Variants in HACE1 observed in about 807,000 individuals in gnomAD.
HACE1 encodes the protein E3 ubiquitin-protein ligase HACE1.
HACE1 carries 73 observed loss-of-function variants against 118.4 expected under a neutral mutation model. That is an observed-to-expected ratio of 0.62 (90% CI 0.51 to 0.75). The LOEUF is 0.75. Among genes scored for constraint, HACE1 ranks in the 30% least tolerant of loss-of-function variants. HACE1 has a pLI of 0.00. For missense variants in HACE1, 749 were observed against 1,102.2 expected (o/e 0.68, Z 4.54); for synonymous variants, 368 against 374.8 (o/e 0.98, Z 0.21).
rs1775001879 is a variant in HACE1, at chr6:104,729,733, T to G, written c.2659A>C (p.Ser887Arg). The G allele has an allele frequency of 1.9e-6, 3 of 1,564,154 alleles. No homozygotes were observed. In the Middle Eastern group the frequency reaches 5.0e-4, roughly 262 times the overall value. The change falls in exon 24 of 24, where the codon AGT (serine) becomes CGT (arginine). Residue 887 changes from serine to arginine, a missense_variant. Physicochemically the swap from Ser to Arg is moderately radical, Grantham distance 110. Coordinates refer to ENST00000262903, the MANE Select transcript of HACE1 (RefSeq NM_020771.4). Reference sequence around the variant, plus strand: ...AGTCTGTCCTTGAGTATTTCTTTACTTGGGTATTCAGGTAACTTGAGCATG... The same window carrying G: ...AGTCTGTCCTTGAGTATTTCTTTACGTGGGTATTCAGGTAACTTGAGCATG... ...INMLKLPEYP[S>R]KEILKDRLLV... is the part of the protein sequence containing the mutation.
chr6:104,820,986 C>T (rs558756398), intron 6 of HACE1, among the ~76,000 whole-genome samples: 11 of 152,180 alleles, frequency 7.2e-5, no homozygotes, highest in Non-Finnish European at 1.3e-4. Context: ...GGTACATATA[C>T]ACCACGGAAT....
intron 22 of HACE1, among the ~76,000 whole-genome samples, chr6:104,737,966 C>G (rs1044623854): frequency 2.6e-5 from 4 of 152,210 alleles, no homozygotes; most frequent in Admixed American, 1.3e-4. Flanking sequence ...TCTCCCATCA[C>G]GCAGCTGGAG....
chr6:104,786,468 C>G (rs13215531), intron 11 of HACE1: 31,270 of 149,182 alleles, frequency 0.21, 4,009 homozygotes, highest in African/African-American at 0.37. Context: ...GCTGGGTACA[C>G]AGGCATGCAC....
In HACE1 at chr6:104,760,484, A is replaced by G. The variant is rs544544068; in HGVS notation, c.2212-10012T>C. 5.3e-5 allele frequency among the ~76,000 whole-genome samples: 8 copies of G among 152,336 alleles called. No individual in the cohort carries two copies. The South Asian group carries it at 1.2e-3, about 24-fold the overall frequency. On this transcript the variant is annotated intron_variant, in intron 19 of 23. Coordinates refer to ENST00000262903, the MANE Select transcript of HACE1 (RefSeq NM_020771.4). ...ATAGATGCAAAAAAGGCCTTTGACA[A>G]AATTCAACAGCCTTTCATGCTAAAA...
At chr6:104,802,497 C>G (rs1222191212) in intron 7 of HACE1, among the ~76,000 whole-genome samples, 2 of 152,102 alleles carry the variant, frequency 1.3e-5, no homozygotes, top group Non-Finnish European at 2.9e-5. Flanking sequence ...TGTAAAAGAA[C>G]AGAAATCACA....
At chr6:104,795,416 T>G (rs1241881421) in intron 10 of HACE1, among the ~76,000 whole-genome samples, 163 bp downstream of exon 10, 1 of 152,180 alleles carries the variant, frequency 6.6e-6, no homozygotes, top group Non-Finnish European at 1.5e-5. Flanking sequence ...TCTTTAGCAA[T>G]AGTTGATTAC....
chr6:104,729,697 G>A lies in HACE1; in HGVS notation c.2695C>T (p.Leu899=). 1.9e-6 allele frequency: 3 copies of A among 1,580,588 alleles called. No homozygotes were observed. The highest frequency in any genetic ancestry group is 2.6e-6 in the Non-Finnish European group (3 of 1,149,680). The change falls in exon 24 of 24, where the codon CTA becomes TTA. Residue 899 remains leucine, a synonymous_variant. Coordinates refer to ENST00000262903, the MANE Select transcript of HACE1 (RefSeq NM_020771.4). Reference sequence around the variant, plus strand: ...GTGTAACCATAGCTGCCACAATGTAGTGCCACAAGAAGTCTGTCCTTGAGT... The same window carrying A: ...GTGTAACCATAGCTGCCACAATGTAATGCCACAAGAAGTCTGTCCTTGAGT... ...EILKDRLLVA[L]HCGSYGYTMA
chr6:104,823,154 G>A (rs1348441119), intron 6 of HACE1, among the ~76,000 whole-genome samples: 2 of 151,840 alleles, frequency 1.3e-5, no homozygotes, highest in Non-Finnish European at 2.9e-5. Flanking sequence ...TTAAAAAATC[G>A]GAGGCTGGGC....
intron 1 of HACE1, among the ~76,000 whole-genome samples, chr6:104,857,166 T>A (rs185609849): frequency 1.4e-5 from 2 of 147,804 alleles, no homozygotes; most frequent in African/African-American, 4.9e-5. Context: ...TTTACATATA[T>A]ATATTTATTT....
At position 104,852,470 on chromosome 6, in the gene HACE1, G is replaced by A. The variant is rs547871682; in HGVS notation, c.77-99C>T. ...ATTTTCCTAACTCTATACAAAAAGC[G>A]AAAAGGAGAGGAAGAAGGAGGAAAG... is the stretch of plus-strand genomic sequence containing the variant. On this transcript the variant is annotated intron_variant, in intron 1 of 23. Transcript: ENST00000262903. 1.7e-3 allele frequency: 1,252 copies of A among 726,592 alleles called. 7 individuals carry two copies. The highest frequency in any genetic ancestry group is 0.013 in the Middle Eastern group (43 of 3,250). 45.0% of individuals were successfully genotyped at this position (726,592 alleles called of 1,614,324 possible).
chr6:104,843,650 G>A (rs1336413231), intron 4 of HACE1, among the ~76,000 whole-genome samples: 1 of 152,136 alleles, frequency 6.6e-6, no homozygotes, highest in East Asian at 1.9e-4. Flanking sequence ...AAGGGGAATG[G>A]ATAGAGAAAA....
intron 6 of HACE1, among the ~76,000 whole-genome samples, chr6:104,814,757 A>G (rs1448014216): frequency 7.3e-6 from 1 of 136,538 alleles, no homozygotes; most frequent in East Asian, 2.2e-4. Context: ...CTCTCATGAG[A>G]GCTCATGGTT....
intron 7 of HACE1, among the ~76,000 whole-genome samples, chr6:104,800,643 G>C (rs564185648): frequency 1.1e-4 from 16 of 152,232 alleles, no homozygotes; most frequent in Non-Finnish European, 1.9e-4. Context: ...ACTGTTAGAA[G>C]GAAAACTAAG....
intron 20 of HACE1, among the ~76,000 whole-genome samples, chr6:104,745,925 T>C (rs1175772389): frequency 1.3e-5 from 2 of 152,210 alleles, no homozygotes; most frequent in Non-Finnish European, 2.9e-5. Context: ...TTTTCCAACT[T>C]ATCTGTATGA....
intron 7 of HACE1, among the ~76,000 whole-genome samples, chr6:104,797,613 T>G (rs1769814081): frequency 6.6e-6 from 1 of 152,156 alleles, no homozygotes; most frequent in Non-Finnish European, 1.5e-5. Flanking sequence ...CGATCTTCAT[T>G]TTATCAACCC....
intron 1 of HACE1, among the ~76,000 whole-genome samples, chr6:104,853,113 G>T (rs1281251441): frequency 6.6e-6 from 1 of 152,168 alleles, no homozygotes; most frequent in East Asian, 1.9e-4. Flanking sequence ...TTCATGAATG[G>T]ATTAATTCTG....
intron 1 of HACE1, among the ~76,000 whole-genome samples, chr6:104,856,720 C>A (rs1776758273): frequency 6.6e-6 from 1 of 152,158 alleles, no homozygotes; most frequent in South Asian, 2.1e-4. Flanking sequence ...CAGGTGTGAG[C>A]CACTGCGCCC....
intron 5 of HACE1, 146 bp from the exon 6 acceptor site, chr6:104,833,319 G>C: frequency 1.3e-6 from 1 of 752,850 alleles, no homozygotes; most frequent in South Asian, 1.5e-5. Context: ...TAAAACTAAA[G>C]GTATTTTAAG....
intron 19 of HACE1, among the ~76,000 whole-genome samples, chr6:104,769,119 C>A (rs1562326869): frequency 6.6e-6 from 1 of 152,060 alleles, no homozygotes; most frequent in Non-Finnish European, 1.5e-5. Flanking sequence ...ACTGTAGCCT[C>A]AACCTCCAGA....
Sources: allele counts gnomAD v4.1 joint callset (sites outside exome capture counted in the v4.1 genomes callset), GRCh38; gene constraint gnomAD v4.1.1; transcripts MANE v1.5; gene names NCBI Gene and HGNC (gene_info 2026-07-23, HGNC 2026-07-21).